The following CFAP70 variants were observed in gnomAD, a reference collection of about 807,000 sequenced individuals.
CFAP70 encodes the protein cilia- and flagella-associated protein 70.
Under a neutral mutation model 137.6 loss-of-function variants are expected in CFAP70, and 81 were observed. That is an observed-to-expected ratio of 0.59 (90% CI 0.49 to 0.71). The LOEUF (loss-of-function observed/expected upper bound fraction) is 0.71, where lower values mean the gene tolerates loss of function less well. CFAP70 is among the 30% of genes least tolerant of loss of function. The pLI, the probability that CFAP70 is intolerant of heterozygous loss-of-function variation, is 0.00. For missense variants in CFAP70, 976 were observed against 1,226.7 expected (o/e 0.80, Z 3.05); for synonymous variants, 382 against 423.6 (o/e 0.90, Z 1.20).
chr10:73,300,733 T>C (rs2048884069), intron 12 of CFAP70, among the ~76,000 whole-genome samples: 1 of 152,094 alleles, frequency 6.6e-6, no homozygotes, highest in East Asian at 1.9e-4. Flanking sequence ...TGTAGTGGTG[T>C]GTGCCTATAG....
intron 1 of CFAP70, among the ~76,000 whole-genome samples, chr10:73,355,601 C>A (rs573133492): frequency 6.6e-6 from 1 of 152,220 alleles, no homozygotes; most frequent in South Asian, 2.1e-4. Context: ...TACGGTGAAA[C>A]CCCATCTCTA....
At chr10:73,326,846 T>C (rs1374670687) in intron 8 of CFAP70, among the ~76,000 whole-genome samples, 2 of 151,784 alleles carry the variant, frequency 1.3e-5, no homozygotes, top group Non-Finnish European at 2.9e-5. Flanking sequence ...CAATAATCAA[T>C]AGCTTACCAA....
chr10:73,356,593 A>G (rs2054699102), intron 1 of CFAP70, among the ~76,000 whole-genome samples: 1 of 152,214 alleles, frequency 6.6e-6, no homozygotes, highest in Non-Finnish European at 1.5e-5. Context: ...AACATCTTAC[A>G]GCCTTCAGAC....
chr10:73,278,902 A>T (rs984917693), intron 19 of CFAP70, among the ~76,000 whole-genome samples: 1 of 150,380 alleles, frequency 6.6e-6, no homozygotes, highest in Non-Finnish European at 1.5e-5. Context: ...AATGGCGTGA[A>T]CCCAGGAGGC....
chr10:73,258,353 G>A (rs1313851703), intron 25 of CFAP70, among the ~76,000 whole-genome samples: 2 of 152,148 alleles, frequency 1.3e-5, no homozygotes, highest in African/African-American at 4.8e-5. Context: ...CATAAATTGT[G>A]AAGATTTCAT....
In CFAP70 at chr10:73,345,242, C is replaced by T. The variant is rs116838256; in HGVS notation, c.350-128G>A. The T allele has an allele frequency of 3.4e-4, 542 of 1,612,572 alleles. 4 individuals are homozygous for T. The African/African-American group carries it at 6.3e-3, about 19-fold the overall frequency. On this transcript the variant is annotated intron_variant, in intron 4 of 26. Coordinates refer to ENST00000310715, the Ensembl canonical transcript of CFAP70. ...CTAATACTTTAACTTCAAGACTGCA[C>T]TGCTGTAAAAGAATAAAATTATGCA...
intron 6 of CFAP70, among the ~76,000 whole-genome samples, chr10:73,335,968 C>T (rs576131738): frequency 4.7e-4 from 72 of 151,604 alleles, no homozygotes; most frequent in Middle Eastern, 6.8e-3. Flanking sequence ...AGTGAGACCT[C>T]CATCTCTAAA....
intron 12 of CFAP70, among the ~76,000 whole-genome samples, chr10:73,300,350 AT>A (rs1168974777): frequency 1.3e-5 from 2 of 152,150 alleles, no homozygotes; most frequent in African/African-American, 4.8e-5. Context: ...GAAGTCCACA[AT>A]CAAACTCACA....
At chr10:73,282,787 C>T (rs765047147) in intron 19 of CFAP70, among the ~76,000 whole-genome samples, 6 of 147,602 alleles carry the variant, frequency 4.1e-5, no homozygotes, top group Admixed American at 2.0e-4. Flanking sequence ...TTTAGATATG[C>T]GTTGATCATT....
rs142119729 is a variant in CFAP70 at position 73,254,066 on chromosome 10, G to C, written c.3076-11C>G. ...ATCTTTCAATTTCAGCTACATGAAA[G>C]AGGAAGAAAGGGAAAGATATATGTC... is the stretch of plus-strand genomic sequence containing the variant. On this transcript the variant is annotated splice_polypyrimidine_tract_variant and intron_variant, in intron 26 of 26. Transcript: ENST00000310715. 9.0e-5 allele frequency: 142 copies of C among 1,586,094 alleles called. 1 individual carries two copies. In the East Asian group the frequency reaches 3.1e-3, roughly 35 times the overall value.
At chr10:73,277,386 T>G in intron 20 of CFAP70, 25 bp from the exon 22 acceptor site, 1 of 1,610,662 alleles carries the variant, frequency 6.2e-7, no homozygotes, top group Non-Finnish European at 8.5e-7. Context: ...TTAAAAGGAT[T>G]GAAGATTGGA....
At chr10:73,351,071 G>GTGTA (rs1422420902) in intron 3 of CFAP70, among the ~76,000 whole-genome samples, 52 of 31,372 alleles carry the variant, frequency 1.7e-3, no homozygotes, top group Non-Finnish European at 3.0e-3. Context: ...GTGTGTGTGT[G>GTGTA]TATATATATA....
chr10:73,343,630 AC>A (rs1393777524), intron 5 of CFAP70, among the ~76,000 whole-genome samples: 1 of 151,874 alleles, frequency 6.6e-6, no homozygotes, highest in Non-Finnish European at 1.5e-5. Flanking sequence ...AATTGCTTGA[AC>A]CCGGGAGGCA....
intron 8 of CFAP70, among the ~76,000 whole-genome samples, chr10:73,326,806 A>G (rs1173698070): frequency 1.3e-5 from 2 of 152,140 alleles, no homozygotes; most frequent in African/African-American, 4.8e-5. Flanking sequence ...GAATCTCTGA[A>G]TAGACCAATA....
Position 73,312,663 on chromosome 10 carries a change from A to C in CFAP70, c.913-20T>G. The C allele has an allele frequency of 6.5e-7, 1 of 1,536,992 alleles. No homozygotes were observed. Among genetic ancestry groups the C allele is most frequent in the Non-Finnish European group, 8.7e-7 (1 of 1,148,972 alleles). Reference sequence around the variant, plus strand: ...TTTGGTCTGAAAAACAAAAAAACAAACAAAAAAAAGCAATACATGAGACAA... The same window carrying C: ...TTTGGTCTGAAAAACAAAAAAACAACCAAAAAAAAGCAATACATGAGACAA... On this transcript the variant is annotated intron_variant, in intron 9 of 26. Coordinates refer to ENST00000310715, the Ensembl canonical transcript of CFAP70.
rs77703022 is a variant in CFAP70 at position 73,331,356 on chromosome 10, T to C, written c.678-80A>G. On this transcript the variant is annotated intron_variant, in intron 7 of 26. Coordinates refer to ENST00000310715, the Ensembl canonical transcript of CFAP70. Reference sequence around the variant, plus strand: ...ATTTAGGTTAAAGGGAAATATTCTCTTTTAGAAAGTAATATAGAATATACA... The same window carrying C: ...ATTTAGGTTAAAGGGAAATATTCTCCTTTAGAAAGTAATATAGAATATACA... 115 of 1,187,778 alleles carry C rather than the reference T, an allele frequency of 9.7e-5. No homozygotes were observed. The East Asian group carries it at 2.9e-3, about 30-fold the overall frequency. The allele number at this position is 1,187,778 out of a possible 1,614,324, so 73.6% of individuals were successfully genotyped here.
chr10:73,305,828 A>G (rs2049328707), intron 12 of CFAP70, among the ~76,000 whole-genome samples: 2 of 152,236 alleles, frequency 1.3e-5, no homozygotes, highest in South Asian at 4.1e-4. Context: ...AGAAAAAAAT[A>G]TAGAAATTCT....
rs397847750 is a variant in CFAP70, at chr10:73,290,044, C to CA, written c.2239+1181dup. On this transcript the variant is annotated intron_variant, in intron 19 of 26. Transcript: ENST00000310715. ...TGGGTGACAGAGCAAGACTCCATCTCAAAAAAAAAAAAAAAAGACTTGTAG... is the reference window on the plus strand; with the variant it reads ...TGGGTGACAGAGCAAGACTCCATCTCAAAAAAAAAAAAAAAAAGACTTGTAG... 7.5e-3 allele frequency among the ~76,000 whole-genome samples: 541 copies of CA among 71,948 alleles called. 12 individuals are homozygous for CA. The highest frequency in any genetic ancestry group is 0.017 in the Middle Eastern group (2 of 120). The allele number at this position is 71,948 out of a possible 152,430, so 47.2% of individuals were successfully genotyped here.
chr10:73,348,382 A>C, intron 4 of CFAP70, 41 bp downstream of exon 4: 1 of 1,580,802 alleles, frequency 6.3e-7, no homozygotes, highest in Non-Finnish European at 8.7e-7. Context: ...AAGTTTTATG[A>C]GCTTTTCCAT....
Sources: gnomAD v4.1 joint callset for allele counts (sites outside exome capture counted in the v4.1 genomes callset) on GRCh38, gnomAD v4.1.1 for gene constraint, MANE v1.5 for transcripts, NCBI Gene and HGNC (gene_info 2026-07-23, HGNC 2026-07-21) for gene names.